Variants in ZMAT4 observed in about 807,000 individuals in gnomAD.
The protein encoded by ZMAT4 is zinc finger matrin-type 4.
In ZMAT4, 17 loss-of-function variants were observed where a neutral mutation model predicts 28.7. That is an observed-to-expected ratio of 0.59 (90% CI 0.41 to 0.89). The LOEUF is 0.89. Among genes scored for constraint, ZMAT4 ranks in the 40% least tolerant of loss-of-function variants. ZMAT4 has a pLI of 0.00. For synonymous variants in ZMAT4, 117 were observed against 109.2 expected (o/e 1.07, Z -0.44); for missense variants, 240 against 283.8 (o/e 0.85, Z 1.11).
intron 2 of ZMAT4, among the ~76,000 whole-genome samples, chr8:40,783,396 A>G (rs1308583192): frequency 6.6e-6 from 1 of 152,210 alleles, no homozygotes; most frequent in Non-Finnish European, 1.5e-5. Flanking sequence ...TAGGGGCTTT[A>G]CAAAGGGGAG....
intron 1 of ZMAT4, among the ~76,000 whole-genome samples, chr8:40,856,375 A>G (rs1253906298): frequency 6.6e-6 from 1 of 152,200 alleles, no homozygotes. Context: ...CAAAAGGAAG[A>G]GAGAACTCCA....
At chr8:40,708,540 G>A (rs1289694016) in intron 3 of ZMAT4, among the ~76,000 whole-genome samples, 6 of 145,798 alleles carry the variant, frequency 4.1e-5, no homozygotes, top group African/African-American at 1.5e-4. Context: ...TAAACACTAT[G>A]CTACACTACA....
intron 2 of ZMAT4, among the ~76,000 whole-genome samples, chr8:40,794,345 C>T (rs746033997): frequency 6.6e-6 from 1 of 152,132 alleles, no homozygotes; most frequent in Non-Finnish European, 1.5e-5. Context: ...TGGAGTTACC[C>T]AACACACCAT....
intron 5 of ZMAT4, among the ~76,000 whole-genome samples, chr8:40,623,468 G>T (rs1194250413): frequency 7.9e-5 from 12 of 152,224 alleles, no homozygotes; most frequent in Admixed American, 7.9e-4. Flanking sequence ...GCTATATTCA[G>T]TTTTACTGAT....
chr8:40,717,361 A>C (rs550006591), intron 3 of ZMAT4, among the ~76,000 whole-genome samples: 1 of 152,200 alleles, frequency 6.6e-6, no homozygotes, highest in Non-Finnish European at 1.5e-5. Context: ...AATACTCAAA[A>C]TAAAGCATTC....
At chr8:40,709,208 T>C (rs1191172844) in intron 3 of ZMAT4, among the ~76,000 whole-genome samples, 2 of 152,232 alleles carry the variant, frequency 1.3e-5, no homozygotes, top group Admixed American at 1.3e-4. Context: ...AGTTATACTG[T>C]ATCTTTTATT....
At chr8:40,699,243 T>C (rs1424601980) in intron 3 of ZMAT4, among the ~76,000 whole-genome samples, 4 of 152,118 alleles carry the variant, frequency 2.6e-5, no homozygotes, top group African/African-American at 4.8e-5. Context: ...GAGTAGATTA[T>C]GCAAGAGGAA....
At chr8:40,679,141 A>G (rs12546833) in intron 4 of ZMAT4, among the ~76,000 whole-genome samples, 18,390 of 152,188 alleles carry the variant, frequency 0.12, 1,368 homozygotes, top group East Asian at 0.21. Flanking sequence ...GAATCACCTC[A>G]TCATGGAATG....
At chr8:40,779,840 C>G (rs1813757860) in intron 2 of ZMAT4, among the ~76,000 whole-genome samples, 1 of 152,124 alleles carries the variant, frequency 6.6e-6, no homozygotes, top group Non-Finnish European at 1.5e-5. Context: ...TGGATAGCAC[C>G]TCAGTGAGAG....
At position 40,714,748 on chromosome 8, in the gene ZMAT4, C is replaced by T. The variant is rs7013294; in HGVS notation, c.193-17347G>A. Among the ~76,000 whole-genome samples, 916 of 152,180 alleles carry T rather than the reference C, an allele frequency of 6.0e-3. 6 individuals are homozygous for T. Among genetic ancestry groups the T allele is most frequent in the African/African-American group, 0.021 (882 of 41,536 alleles). Reference sequence around the variant, plus strand: ...GGAGGAAAGAAATGAAATAAGTTTACAGGAAGAAGTGTGTGAAATAGTCCG... The same window carrying T: ...GGAGGAAAGAAATGAAATAAGTTTATAGGAAGAAGTGTGTGAAATAGTCCG... On this transcript the variant is annotated intron_variant, in intron 3 of 6. Transcript: ENST00000297737.
Position 40,535,931 on chromosome 8 carries a change from G to A in ZMAT4, c.675-3693C>T, listed in dbSNP as rs1234978951. ...AGTGACAAGGAAAAGGCAGTCATGG[G>A]CCATGGTTTACATGAAATGATACGG... is the stretch of plus-strand genomic sequence containing the variant. On this transcript the variant is annotated intron_variant, in intron 6 of 6. Transcript: ENST00000297737. Among the ~76,000 whole-genome samples, 3 of 152,230 alleles carry A rather than the reference G, an allele frequency of 2.0e-5. No homozygotes were observed. The East Asian group carries it at 5.8e-4, about 29-fold the overall frequency.
intron 6 of ZMAT4, among the ~76,000 whole-genome samples, chr8:40,536,608 T>G (rs1802855404): frequency 6.6e-6 from 1 of 152,152 alleles, no homozygotes; most frequent in Non-Finnish European, 1.5e-5. Flanking sequence ...TCTCACATGT[T>G]GCCATGGTTG....
intron 2 of ZMAT4, among the ~76,000 whole-genome samples, chr8:40,818,413 A>G (rs1305123316): frequency 6.6e-6 from 1 of 152,218 alleles, no homozygotes; most frequent in African/African-American, 2.4e-5. Flanking sequence ...ATATGGAATA[A>G]TTGTATTTAT....
chr8:40,743,487 T>A (rs1443885370), intron 3 of ZMAT4, among the ~76,000 whole-genome samples: 1 of 152,216 alleles, frequency 6.6e-6, no homozygotes, highest in African/African-American at 2.4e-5. Context: ...GACAGAGGTC[T>A]GGCTAAAACC....
chr8:40,665,763 T>C (rs2044895), intron 5 of ZMAT4, among the ~76,000 whole-genome samples: 80,333 of 151,900 alleles, frequency 0.53, 21,585 homozygotes, highest in Middle Eastern at 0.62. Flanking sequence ...TCACCAGAAA[T>C]TGTGACACCC....
At chr8:40,761,956 C>A (rs60356325) in intron 3 of ZMAT4, among the ~76,000 whole-genome samples, 2 of 152,066 alleles carry the variant, frequency 1.3e-5, no homozygotes, top group Admixed American at 6.5e-5. Context: ...GAAACTCATG[C>A]GTAGCAGAAC....
intron 1 of ZMAT4, among the ~76,000 whole-genome samples, chr8:40,896,410 A>C (rs1818881097): frequency 1.3e-5 from 2 of 152,176 alleles, no homozygotes; most frequent in South Asian, 4.1e-4. Context: ...TAGGACTTGG[A>C]AGATCACCCC....
intron 1 of ZMAT4, among the ~76,000 whole-genome samples, chr8:40,838,991 T>C (rs982017456): frequency 6.6e-6 from 1 of 152,180 alleles, no homozygotes; most frequent in Admixed American, 6.6e-5. Flanking sequence ...AAAGACACCC[T>C]GGAAAGTGAT....
intron 2 of ZMAT4, among the ~76,000 whole-genome samples, chr8:40,803,394 T>C (rs748033097): frequency 6.6e-5 from 10 of 151,976 alleles, no homozygotes; most frequent in Non-Finnish European, 1.5e-4. Context: ...CTCTTAAAAC[T>C]CAACAAGAAC....
Sources: allele counts gnomAD v4.1 joint callset (sites outside exome capture counted in the v4.1 genomes callset), GRCh38; gene constraint gnomAD v4.1.1; transcripts MANE v1.5; gene names NCBI Gene and HGNC (gene_info 2026-07-23, HGNC 2026-07-21).